Variants in GRIN2B observed in about 807,000 individuals in gnomAD.
The protein encoded by GRIN2B is glutamate ionotropic receptor NMDA type subunit 2B.
GRIN2B carries 5 observed loss-of-function variants against 114.5 expected under a neutral mutation model. The observed-to-expected ratio is 0.04, with a 90% CI of 0.02 to 0.09. The LOEUF (loss-of-function observed/expected upper bound fraction) is 0.09, where lower values mean the gene tolerates loss of function less well. Among genes scored for constraint, GRIN2B ranks in the 10% least tolerant of loss-of-function variants. The pLI is 1.00. For missense variants in GRIN2B, 1,108 were observed against 1,943.5 expected, an observed-to-expected ratio of 0.57 and a Z score of 8.08; for synonymous variants, 787 against 745.1, an observed-to-expected ratio of 1.06 and a Z score of -0.92.
At chr12:13,847,508 CA>C (rs1369238696) in intron 3 of GRIN2B, among the ~76,000 whole-genome samples, 2 of 152,096 alleles carry the variant, frequency 1.3e-5, no homozygotes, top group African/African-American at 2.4e-5. Context: ...ATGCCAGGTC[CA>C]AAGGTAGGCT....
intron 3 of GRIN2B, among the ~76,000 whole-genome samples, chr12:13,851,690 C>A (rs1030541344): frequency 6.6e-6 from 1 of 152,210 alleles, no homozygotes; most frequent in Non-Finnish European, 1.5e-5. Flanking sequence ...GCTCCTTTCT[C>A]TCTTTCTTGC....
chr12:13,861,714 C>T lies in GRIN2B; in HGVS notation c.411+4084G>A, dbSNP rs7315392. Among the ~76,000 whole-genome samples, 829 of 152,312 alleles carry T rather than the reference C, an allele frequency of 5.4e-3. 11 individuals carry two copies. The highest frequency in any genetic ancestry group is 0.019 in the African/African-American group (792 of 41,580). Reference sequence around the variant, plus strand: ...GGGTGAGACCAAGACTCCCACCTCACACTTCAGAGCCTTCCCCCAGATTTT... The same window carrying T: ...GGGTGAGACCAAGACTCCCACCTCATACTTCAGAGCCTTCCCCCAGATTTT... On this transcript the variant is annotated intron_variant, in intron 3 of 13. Transcript: ENST00000609686.
At chr12:13,692,530 T>A (rs534467677) in intron 4 of GRIN2B, among the ~76,000 whole-genome samples, 1 of 152,166 alleles carries the variant, frequency 6.6e-6, no homozygotes, top group African/African-American at 2.4e-5. Flanking sequence ...GTTACTCTGG[T>A]TTCCTCCCAC....
At chr12:13,907,351 G>A (rs771410001) in intron 2 of GRIN2B, among the ~76,000 whole-genome samples, 4 of 152,192 alleles carry the variant, frequency 2.6e-5, no homozygotes, top group South Asian at 4.2e-4. Flanking sequence ...TTAGCAGGGC[G>A]TGGTGGCACA....
intron 5 of GRIN2B, among the ~76,000 whole-genome samples, chr12:13,649,201 A>G (rs557171228): frequency 6.6e-6 from 1 of 152,212 alleles, no homozygotes; most frequent in Admixed American, 6.5e-5. Flanking sequence ...CATCTAGTAG[A>G]TGCTCAAAAG....
chr12:13,610,867 A>G (rs958097600), intron 9 of GRIN2B, among the ~76,000 whole-genome samples: 1 of 152,198 alleles, frequency 6.6e-6, no homozygotes, highest in African/African-American at 2.4e-5. Context: ...TGTCTTTTAG[A>G]TGCCCCATAG....
At chr12:13,908,485 T>A (rs1261490059) in intron 2 of GRIN2B, among the ~76,000 whole-genome samples, 2 of 152,188 alleles carry the variant, frequency 1.3e-5, no homozygotes, top group South Asian at 2.1e-4. Context: ...AAAGAGTTTT[T>A]AAAAATGTAC....
intron 4 of GRIN2B, among the ~76,000 whole-genome samples, chr12:13,745,476 G>A (rs1272586173): frequency 3.3e-5 from 5 of 152,322 alleles, no homozygotes; most frequent in Non-Finnish European, 2.9e-5. Flanking sequence ...CTGCCTGCCA[G>A]CCTGCCCTTC....
chr12:13,541,169 C>T lies in GRIN2B; in HGVS notation c.*21614G>A, dbSNP rs1948274207. ...ACAAGAGCTCACTGCCCCATCCCTTCTCTGATCTCCACTGTAACATTGCCT... is the reference window on the plus strand; with the variant it reads ...ACAAGAGCTCACTGCCCCATCCCTTTTCTGATCTCCACTGTAACATTGCCT... On this transcript the variant is annotated 3_prime_UTR_variant, in exon 14 of 14. Coordinates refer to ENST00000609686, the MANE Select transcript of GRIN2B (RefSeq NM_000834.5). The T allele has an allele frequency of 6.6e-6, 1 of 152,262 alleles. No homozygotes were observed. The highest frequency in any genetic ancestry group is 1.5e-5 in the Non-Finnish European group (1 of 68,052). 9.4% of individuals were successfully genotyped at this position (152,262 alleles called of 1,614,324 possible).
intron 5 of GRIN2B, among the ~76,000 whole-genome samples, chr12:13,662,893 G>C (rs1474277617): frequency 6.6e-6 from 1 of 152,112 alleles, no homozygotes; most frequent in African/African-American, 2.4e-5. Flanking sequence ...AATAAAATGA[G>C]AACAGAGAAC....
chr12:13,703,303 G>A (rs1422369865), intron 4 of GRIN2B, among the ~76,000 whole-genome samples: 1 of 152,090 alleles, frequency 6.6e-6, no homozygotes, highest in African/African-American at 2.4e-5. Context: ...TCTTGCTGAT[G>A]CCCACTCTTC....
At chr12:13,964,421 T>C (rs530276772) in intron 2 of GRIN2B, among the ~76,000 whole-genome samples, 12 of 152,302 alleles carry the variant, frequency 7.9e-5, no homozygotes, top group Admixed American at 4.6e-4. Context: ...AAACATCCTA[T>C]AAATGAATCC....
chr12:13,646,541 C>T lies in GRIN2B; in HGVS notation c.1125+29204G>A, dbSNP rs537140671. 5.3e-5 allele frequency among the ~76,000 whole-genome samples: 8 copies of T among 152,232 alleles called. No homozygotes were observed. In the East Asian group the frequency reaches 1.5e-3, roughly 29 times the overall value. On this transcript the variant is annotated intron_variant, in intron 5 of 13. Coordinates refer to ENST00000609686, the MANE Select transcript of GRIN2B (RefSeq NM_000834.5). The stretch of plus-strand genomic sequence containing the variant: ...TGGAAAAGTGATACAATGTCACTCC[C>T]TTAATTAGGTTATGTTTTAATCGCA...
At chr12:13,690,170 G>C in intron 4 of GRIN2B, among the ~76,000 whole-genome samples, 1 of 152,016 alleles carries the variant, frequency 6.6e-6, no homozygotes, top group East Asian at 1.9e-4. Flanking sequence ...CTTGCTTGTG[G>C]TAAGTATTCA....
At chr12:13,958,322 C>T (rs1565600622) in intron 2 of GRIN2B, among the ~76,000 whole-genome samples, 1 of 152,198 alleles carries the variant, frequency 6.6e-6, no homozygotes, top group Admixed American at 6.5e-5. Context: ...CCCCGGAATT[C>T]ACAAGAACTG....
intron 5 of GRIN2B, among the ~76,000 whole-genome samples, chr12:13,664,196 C>G (rs1949952541): frequency 6.6e-6 from 1 of 151,990 alleles, no homozygotes; most frequent in Non-Finnish European, 1.5e-5. Context: ...GGCATAAAAG[C>G]ACAAGAGGTG....
rs1327125362 is a variant in GRIN2B at position 13,538,911 on chromosome 12, A to G, written c.*23872T>C. 1 of 151,534 alleles carries G rather than the reference A, an allele frequency of 6.6e-6. No homozygotes were observed. The highest frequency in any genetic ancestry group is 1.9e-4 in the East Asian group (1 of 5,204). The allele number at this position is 151,534 out of a possible 1,614,324, so 9.4% of individuals were successfully genotyped here. A position where few individuals can be genotyped will look rare whatever the true frequency, so the allele number is the denominator to read the frequency against. On this transcript the variant is annotated 3_prime_UTR_variant, in exon 14 of 14. Transcript: ENST00000609686. ...TCTTGTCTTCCCCCTTTTTTTTTTA[A>G]ACAAATCTCAGATTTTCAAATCAAA...
chr12:13,637,144 G>T (rs559709960), intron 5 of GRIN2B, among the ~76,000 whole-genome samples: 4 of 152,232 alleles, frequency 2.6e-5, no homozygotes, highest in African/African-American at 9.6e-5. Context: ...AGAATATTTT[G>T]CAAGTTGAAA....
At chr12:13,587,911 A>G (rs1948952162) in intron 10 of GRIN2B, among the ~76,000 whole-genome samples, 1 of 152,212 alleles carries the variant, frequency 6.6e-6, no homozygotes, top group African/African-American at 2.4e-5. Flanking sequence ...GGTTTTTGCC[A>G]TTAAAAGTAA....
Sources: allele counts gnomAD v4.1 joint callset (sites outside exome capture counted in the v4.1 genomes callset), GRCh38; gene constraint gnomAD v4.1.1; transcripts MANE v1.5; gene names NCBI Gene and HGNC (gene_info 2026-07-23, HGNC 2026-07-21).